HELLS: variants seen among roughly 807,000 people sequenced by gnomAD.
HELLS encodes lymphoid-specific helicase.
HELLS carries 32 observed loss-of-function variants against 120.0 expected under a neutral mutation model. The ratio of observed to expected loss-of-function variants is 0.27; its 90% CI spans 0.20 to 0.36. The LOEUF (loss-of-function observed/expected upper bound fraction) is 0.36. Ranked by LOEUF, HELLS falls within the 10% of genes least tolerant of loss-of-function variation. The probability of loss-of-function intolerance (pLI) is 1.00; values close to 1 mark genes in which losing one functional copy is unlikely to be tolerated. For synonymous variants in HELLS, 341 were observed against 323.4 expected (o/e 1.05, Z -0.58); for missense variants, 650 against 993.4 (o/e 0.65, Z 4.65).
At position 94,576,809 on chromosome 10, in the gene HELLS, C is replaced by G; in HGVS notation, c.1032+4C>G. ...GAGAGACCGAAATGCGTTACAGGTA[C>G]AAATGATCTTCATTGGTTTCTTTGT... On this transcript the variant is annotated splice_donor_region_variant and intron_variant, in intron 10 of 21. Transcript: ENST00000348459. 1 of 1,594,022 alleles carries G rather than the reference C, an allele frequency of 6.3e-7. No homozygotes were observed. Among genetic ancestry groups the G allele is most frequent in the Non-Finnish European group, 8.5e-7 (1 of 1,171,226 alleles).
At chr10:94,605,085 C>T (rs1230572886), downstream of HELLS, among the ~76,000 whole-genome samples, 385 of 80,494 alleles carry the variant, frequency 4.8e-3, 4 homozygotes, top group South Asian at 0.053. Context: ...CCCCCCCCCC[C>T]TTTTTTTTTC....
chr10:94,554,045 C>A (rs1843117342), intron 2 of HELLS, 81 bp from the exon 3 acceptor site: 11 of 1,175,890 alleles, frequency 9.4e-6, no homozygotes, highest in South Asian at 3.1e-5. Flanking sequence ...TTATTTTAGC[C>A]ATTTTTATTA....
intron 2 of HELLS, among the ~76,000 whole-genome samples, chr10:94,549,839 C>T (rs572579689): frequency 6.9e-4 from 105 of 152,092 alleles, no homozygotes; most frequent in Non-Finnish European, 1.2e-3. Flanking sequence ...TAAGGATTAA[C>T]CACTTACATG....
rs530326514 is a variant in HELLS at position 94,567,949 on chromosome 10, C to T, written c.436-3439C>T. 8.8e-5 allele frequency among the ~76,000 whole-genome samples: 12 copies of T among 135,754 alleles called. 1 individual carries two copies. In the South Asian group the frequency reaches 1.9e-3, roughly 21 times the overall value. 89.1% of individuals were successfully genotyped at this position (135,754 alleles called of 152,430 possible). A position where few individuals can be genotyped will look rare whatever the true frequency, so the allele number is the denominator to read the frequency against. Reference sequence around the variant, plus strand: ...TTTTGGAGAGAGAGTCTCGCTCTGTCGCCAGGCTGGAATGCAGTGCTGCGA... The same window carrying T: ...TTTTGGAGAGAGAGTCTCGCTCTGTTGCCAGGCTGGAATGCAGTGCTGCGA... On this transcript the variant is annotated intron_variant, in intron 6 of 21. Transcript: ENST00000348459.
At chr10:94,585,360 TTG>T (rs1422420734) in intron 12 of HELLS, among the ~76,000 whole-genome samples, 30 of 110,972 alleles carry the variant, frequency 2.7e-4, no homozygotes, top group East Asian at 4.2e-4. Context: ...TTTTTTTGTT[TTG>T]TTTTTTTTTT....
At chr10:94,556,713 A>G (rs1843284528) in intron 3 of HELLS, among the ~76,000 whole-genome samples, 1 of 152,102 alleles carries the variant, frequency 6.6e-6, no homozygotes, top group Admixed American at 6.6e-5. Context: ...TAGCTTTCAT[A>G]TGTCTGAATG....
At chr10:94,598,795 A>G (rs1253690288) in intron 21 of HELLS, among the ~76,000 whole-genome samples, 1 of 152,052 alleles carries the variant, frequency 6.6e-6, no homozygotes, top group Non-Finnish European at 1.5e-5. Flanking sequence ...TCTTTGCCTA[A>G]TTCAAGGTGT....
chr10:94,546,537 G>A (rs1842762535), intron 2 of HELLS, 39 bp downstream of exon 2: 1 of 1,612,444 alleles, frequency 6.2e-7, no homozygotes, highest in African/African-American at 1.3e-5. Context: ...GAAAGCCTGT[G>A]GTAACCTCGG....
At chr10:94,567,486 C>T (rs1182608763) in intron 6 of HELLS, among the ~76,000 whole-genome samples, 4 of 152,032 alleles carry the variant, frequency 2.6e-5, no homozygotes, top group South Asian at 4.1e-4. Flanking sequence ...TTAGTAGAGA[C>T]GGGGTTTCTC....
intron 3 of HELLS, among the ~76,000 whole-genome samples, chr10:94,555,528 C>T (rs1224748167): frequency 1.3e-5 from 2 of 152,188 alleles, no homozygotes; most frequent in African/African-American, 2.4e-5. Context: ...GAGAGGATGG[C>T]GCATCCAGAA....
intron 6 of HELLS, among the ~76,000 whole-genome samples, chr10:94,563,864 G>A (rs1843669561): frequency 6.9e-6 from 1 of 145,270 alleles, no homozygotes; most frequent in Non-Finnish European, 1.5e-5. Flanking sequence ...AGGCTGGAAT[G>A]CAATGGTGCG....
chr10:94,548,016 C>T (rs1842818776), intron 2 of HELLS, among the ~76,000 whole-genome samples: 4 of 152,186 alleles, frequency 2.6e-5, no homozygotes, highest in Admixed American at 2.6e-4. Context: ...CACCTTTTCT[C>T]ATTCTTTGAA....
chr10:94,570,415 T>C (rs1165271393), intron 6 of HELLS: 1 of 152,188 alleles, frequency 6.6e-6, no homozygotes, highest in Non-Finnish European at 1.5e-5. Context: ...AATATGAATA[T>C]CTATACATAC....
At position 94,590,535 on chromosome 10, in the gene HELLS, A is replaced by G. The variant is rs200877274; in HGVS notation, c.1611A>G (p.Pro537=). 7 of 1,611,232 alleles carry G rather than the reference A, an allele frequency of 4.3e-6. No homozygotes were observed. In the Admixed American group the frequency reaches 8.5e-5, roughly 19 times the overall value. ...ELEKLISQIQ[P]EVDRERAVVE... is the part of the protein sequence containing the mutation. ...AAAAACTGATCAGTCAAATACAGCC[A>G]GAGGTGGACCGAGAAAGGTTTGAAT... Residue 537 remains proline (P), a synonymous_variant, in exon 14 of 22, where the codon CCA becomes CCG. Transcript: ENST00000348459.
intron 12 of HELLS, chr10:94,584,158 A>C: frequency 9.9e-7 from 1 of 1,014,356 alleles, no homozygotes; most frequent in Non-Finnish European, 1.3e-6. Flanking sequence ...GCAGAGATTA[A>C]AAAGGATGAT....
intron 6 of HELLS, among the ~76,000 whole-genome samples, chr10:94,567,557 A>C (rs1843882908): frequency 6.6e-6 from 1 of 152,130 alleles, no homozygotes; most frequent in Non-Finnish European, 1.5e-5. Context: ...CTTGGCCCCC[A>C]AAGTGCTGAG....
At chr10:94,585,339 A>G (rs185935382) in intron 12 of HELLS, among the ~76,000 whole-genome samples, 217 of 147,442 alleles carry the variant, frequency 1.5e-3, no homozygotes, top group Middle Eastern at 7.1e-3. Context: ...TCTCCAAAGT[A>G]TAACTAATAG....
At chr10:94,563,320 TC>T (rs779770943) in intron 6 of HELLS, among the ~76,000 whole-genome samples, 4 of 152,150 alleles carry the variant, frequency 2.6e-5, no homozygotes, top group Non-Finnish European at 5.9e-5. Context: ...GGTCTTGAAC[TC>T]CTGACTTAAG....
chr10:94,583,973 T>C (rs1208115480), intron 12 of HELLS: 6 of 569,704 alleles, frequency 1.1e-5, no homozygotes, highest in Non-Finnish European at 1.9e-5. Flanking sequence ...TGCCCATTTC[T>C]GGCTATTTCC....
Sources: allele counts gnomAD v4.1 joint callset (sites outside exome capture counted in the v4.1 genomes callset), GRCh38; gene constraint gnomAD v4.1.1; transcripts MANE v1.5; gene names NCBI Gene and HGNC (gene_info 2026-07-23, HGNC 2026-07-21).